TRIM24: variants seen among roughly 807,000 people sequenced by gnomAD.
TRIM24 encodes tripartite motif containing 24.
TRIM24 carries 29 observed loss-of-function variants against 123.9 expected under a neutral mutation model. The observed-to-expected ratio is 0.23, with a 90% confidence interval of 0.17 to 0.32. TRIM24 has a LOEUF of 0.32. Ranked by LOEUF, TRIM24 falls within the 10% of genes least tolerant of loss-of-function variation. The pLI is 1.00. For missense variants in TRIM24, 932 were observed against 1,295.3 expected, an observed-to-expected ratio of 0.72 and a Z score of 4.31; for synonymous variants, 456 against 461.1, an observed-to-expected ratio of 0.99 and a Z score of 0.14.
At chr7:138,487,077 G>A (rs1795663912) in intron 1 of TRIM24, among the ~76,000 whole-genome samples, 1 of 152,112 alleles carries the variant, frequency 6.6e-6, no homozygotes, top group African/African-American at 2.4e-5. Context: ...TGGATTCCTA[G>A]GTATTTTATT....
At chr7:138,506,237 C>G (rs760084424) in intron 2 of TRIM24, among the ~76,000 whole-genome samples, 5 of 152,306 alleles carry the variant, frequency 3.3e-5, no homozygotes, top group Non-Finnish European at 7.4e-5. Context: ...AACAGACACG[C>G]TTGCTGTGGG....
chr7:138,526,188 A>G (rs1796604571), intron 5 of TRIM24, among the ~76,000 whole-genome samples: 1 of 152,236 alleles, frequency 6.6e-6, no homozygotes, highest in African/African-American at 2.4e-5. Context: ...ATTGTGTCAG[A>G]CTTTAAGGCA....
chr7:138,474,358 C>G (rs936271410), intron 1 of TRIM24, among the ~76,000 whole-genome samples: 1 of 151,934 alleles, frequency 6.6e-6, no homozygotes, highest in Non-Finnish European at 1.5e-5. Context: ...ATCTCCTGAC[C>G]TCGTGATCTA....
chr7:138,570,103 A>G (rs1187055551), intron 10 of TRIM24, among the ~76,000 whole-genome samples: 3 of 151,986 alleles, frequency 2.0e-5, no homozygotes, highest in East Asian at 3.9e-4. Context: ...GCCCACCACC[A>G]CGCCCGGTTA....
At chr7:138,504,892 C>T (rs571842275) in intron 2 of TRIM24, among the ~76,000 whole-genome samples, 1 of 152,024 alleles carries the variant, frequency 6.6e-6, no homozygotes, top group Admixed American at 6.6e-5. Context: ...TCATGAGTAG[C>T]TGGGATTACA....
In TRIM24 at chr7:138,547,880, G is replaced by A. The variant is rs188489802; in HGVS notation, c.1144-3183G>A. Among the ~76,000 whole-genome samples, 433 of 152,212 alleles carry A rather than the reference G, an allele frequency of 2.8e-3. 3 individuals are homozygous for A. The highest frequency in any genetic ancestry group is 6.8e-3 in the Middle Eastern group (2 of 294). On this transcript the variant is annotated intron_variant, in intron 7 of 18. Transcript: ENST00000343526. The stretch of plus-strand genomic sequence containing the variant: ...AGGCTAGCCTCGAACTCCTGACCTC[G>A]TGATCTGCCCGCCTTGGCGTCCCAA...
intron 4 of TRIM24, among the ~76,000 whole-genome samples, chr7:138,523,544 A>T (rs1201134461): frequency 6.6e-6 from 1 of 152,118 alleles, no homozygotes; most frequent in East Asian, 1.9e-4. Flanking sequence ...TCACAAGGTC[A>T]GGAGATTGAG....
intron 9 of TRIM24, among the ~76,000 whole-genome samples, chr7:138,565,193 C>T (rs1222088717): frequency 6.6e-6 from 1 of 152,170 alleles, no homozygotes; most frequent in African/African-American, 2.4e-5. Context: ...CTTCCCCGCT[C>T]CCAGTTCCTC....
At chr7:138,493,596 C>T (rs900727461) in intron 1 of TRIM24, among the ~76,000 whole-genome samples, 1 of 152,124 alleles carries the variant, frequency 6.6e-6, no homozygotes, top group Non-Finnish European at 1.5e-5. Flanking sequence ...ATAGATGTCA[C>T]CAGAGAAGCC....
chr7:138,513,763 T>A (rs1426909035), intron 2 of TRIM24, among the ~76,000 whole-genome samples: 1 of 152,228 alleles, frequency 6.6e-6, no homozygotes, highest in African/African-American at 2.4e-5. Flanking sequence ...CTTTCTTGAA[T>A]AAGCAGTAGC....
At chr7:138,548,019 G>C (rs770426628) in intron 7 of TRIM24, among the ~76,000 whole-genome samples, 1 of 152,162 alleles carries the variant, frequency 6.6e-6, no homozygotes, top group East Asian at 1.9e-4. Flanking sequence ...AAAGAAAGGA[G>C]CCAAGGACTT....
chr7:138,563,703 C>T (rs1797474419), intron 9 of TRIM24, among the ~76,000 whole-genome samples: 1 of 152,186 alleles, frequency 6.6e-6, no homozygotes, highest in Non-Finnish European at 1.5e-5. Context: ...GCCTCAGGGT[C>T]AAACGGAGTG....
intron 5 of TRIM24, among the ~76,000 whole-genome samples, chr7:138,527,626 A>T (rs919918997): frequency 2.0e-5 from 3 of 152,224 alleles, no homozygotes; most frequent in South Asian, 2.1e-4. Flanking sequence ...AGTCTCTGCC[A>T]GTTTGGTCTT....
At chr7:138,568,761 GT>G (rs1234004237) in intron 10 of TRIM24, among the ~76,000 whole-genome samples, 1 of 144,342 alleles carries the variant, frequency 6.9e-6, no homozygotes, top group East Asian at 2.0e-4. Flanking sequence ...TTATCACAGT[GT>G]TTTTTCTTCT....
intron 6 of TRIM24, among the ~76,000 whole-genome samples, chr7:138,530,833 C>T (rs917504706): frequency 3.3e-5 from 5 of 152,036 alleles, no homozygotes; most frequent in Non-Finnish European, 7.4e-5. Flanking sequence ...GTGGTGTTTT[C>T]ACTGCAGCCT....
intron 17 of TRIM24, among the ~76,000 whole-genome samples, chr7:138,582,057 T>G (rs552452958): frequency 6.6e-6 from 1 of 152,272 alleles, no homozygotes; most frequent in Non-Finnish European, 1.5e-5. Flanking sequence ...TTCAGGAGTT[T>G]TAGGCATGTT....
chr7:138,525,494 A>T (rs1796589628), intron 5 of TRIM24, 137 bp downstream of exon 5: 3 of 413,712 alleles, frequency 7.3e-6, no homozygotes, highest in Middle Eastern at 1.3e-3. Flanking sequence ...AGACTTTCCC[A>T]GAAACTTAGT....
chr7:138,521,933 C>T (rs1320670748), intron 4 of TRIM24, among the ~76,000 whole-genome samples: 1 of 152,040 alleles, frequency 6.6e-6, no homozygotes, highest in Non-Finnish European at 1.5e-5. Context: ...TAATAGAAAA[C>T]TCCATAGTCA....
At chr7:138,486,236 GC>G (rs1338577142) in intron 1 of TRIM24, among the ~76,000 whole-genome samples, 3 of 152,030 alleles carry the variant, frequency 2.0e-5, no homozygotes, top group Admixed American at 2.0e-4. Context: ...CTGGATATTA[GC>G]CCTTTGTCAG....
Sources: gnomAD v4.1 joint callset for allele counts (sites outside exome capture counted in the v4.1 genomes callset) on GRCh38, gnomAD v4.1.1 for gene constraint, MANE v1.5 for transcripts, NCBI Gene and HGNC (gene_info 2026-07-23, HGNC 2026-07-21) for gene names.